The following SCHIP1 variants were observed in gnomAD, a reference collection of about 807,000 sequenced individuals.
SCHIP1 encodes schwannomin-interacting protein 1.
A neutral mutation model predicts 29.7 loss-of-function variants in SCHIP1; 8 were observed. The observed-to-expected ratio is 0.27, with a 90% CI of 0.16 to 0.49. SCHIP1 has a LOEUF of 0.49. SCHIP1 is among the 20% of genes least tolerant of loss of function. The pLI is 0.99. For missense variants in SCHIP1, 193 were observed against 294.6 expected, an observed-to-expected ratio of 0.66 and a Z score of 2.52; for synonymous variants, 76 against 94.9, an observed-to-expected ratio of 0.80 and a Z score of 1.16.
At chr3:159,502,786 G>A in the SCHIP1 span, among the ~76,000 whole-genome samples, 2 of 152,080 alleles carry the variant, frequency 1.3e-5, no homozygotes, top group South Asian at 2.1e-4. Context: ...CAGCCACAAT[G>A]GCCTTTCTAA....
the SCHIP1 span, among the ~76,000 whole-genome samples, chr3:159,488,171 G>T: frequency 8.1e-3 from 1,234 of 152,146 alleles, 15 homozygotes; most frequent in African/African-American, 0.028. Context: ...GTAGAATGAT[G>T]GTTACCAGAG....
chr3:159,350,914 C>T, the SCHIP1 span, among the ~76,000 whole-genome samples: 1 of 151,918 alleles, frequency 6.6e-6, no homozygotes, highest in East Asian at 1.9e-4. Flanking sequence ...ATGAATACTT[C>T]TAAGATTTTT....
the SCHIP1 span, among the ~76,000 whole-genome samples, chr3:159,788,147 TGAC>T: frequency 0.012 from 1,797 of 152,248 alleles, 43 homozygotes; most frequent in African/African-American, 0.042. Context: ...ACAGAGGGTG[TGAC>T]GTGGGAGTAG....
the SCHIP1 span, among the ~76,000 whole-genome samples, chr3:159,823,591 C>T: frequency 6.6e-6 from 1 of 152,144 alleles, no homozygotes; most frequent in Admixed American, 6.5e-5. Context: ...CCTCAGCTCC[C>T]TCTTGAATTT....
At chr3:159,626,598 T>G in the SCHIP1 span, among the ~76,000 whole-genome samples, 1 of 152,154 alleles carries the variant, frequency 6.6e-6, no homozygotes, top group East Asian at 1.9e-4. Flanking sequence ...AAAAAATTTA[T>G]CCACCAAACA....
the SCHIP1 span, among the ~76,000 whole-genome samples, chr3:159,828,459 A>G: frequency 2.3e-5 from 3 of 132,286 alleles, no homozygotes; most frequent in Non-Finnish European, 4.7e-5. Flanking sequence ...ATACGTATAT[A>G]TATGTATATA....
the SCHIP1 span, among the ~76,000 whole-genome samples, chr3:159,653,075 T>A: frequency 2.0e-5 from 3 of 152,164 alleles, no homozygotes; most frequent in South Asian, 2.1e-4. Context: ...TGAGAGGAAA[T>A]AAGATCTACT....
At chr3:159,827,375 T>C in the SCHIP1 span, among the ~76,000 whole-genome samples, 1 of 152,208 alleles carries the variant, frequency 6.6e-6, no homozygotes, top group Non-Finnish European at 1.5e-5. Context: ...CCTTGACAAA[T>C]TTAATAGCTC....
chr3:159,321,492 A>C, the SCHIP1 span, among the ~76,000 whole-genome samples: 4 of 152,218 alleles, frequency 2.6e-5, no homozygotes, highest in African/African-American at 9.6e-5. Flanking sequence ...AATATTAAGA[A>C]ATTACACCAG....
chr3:159,758,915 C>T, the SCHIP1 span, among the ~76,000 whole-genome samples: 2 of 152,242 alleles, frequency 1.3e-5, no homozygotes, highest in African/African-American at 4.8e-5. Flanking sequence ...TGCCAATCTA[C>T]AGATCATTCA....
At chr3:159,597,905 G>T in the SCHIP1 span, among the ~76,000 whole-genome samples, 1 of 152,120 alleles carries the variant, frequency 6.6e-6, no homozygotes, top group African/African-American at 2.4e-5. Context: ...TGTTTCTCAT[G>T]GCTGGAAAGG....
chr3:159,803,230 A>G, the SCHIP1 span, among the ~76,000 whole-genome samples: 34 of 152,266 alleles, frequency 2.2e-4, no homozygotes, highest in South Asian at 1.7e-3. Context: ...TCAATAAGGA[A>G]AAAGGAGAAA....
chr3:159,853,308 G>A (rs1054399818), intron 1 of SCHIP1: 2 of 640,730 alleles, frequency 3.1e-6, no homozygotes, highest in Admixed American at 4.6e-5. Flanking sequence ...CAGGGAACTG[G>A]GCAATTGGCA....
the SCHIP1 span, among the ~76,000 whole-genome samples, chr3:159,794,158 C>T: frequency 2.0e-5 from 3 of 152,122 alleles, no homozygotes; most frequent in Non-Finnish European, 4.4e-5. Context: ...ATTCTGCCTA[C>T]CAGAGCAAGA....
the SCHIP1 span, among the ~76,000 whole-genome samples, chr3:159,665,499 CTCTA>C: frequency 2.0e-5 from 3 of 151,920 alleles, no homozygotes; most frequent in African/African-American, 4.8e-5. Flanking sequence ...GTCAAACACA[CTCTA>C]TATATGTTTG....
the SCHIP1 span, among the ~76,000 whole-genome samples, chr3:159,541,302 A>G: frequency 2.0e-5 from 3 of 152,092 alleles, no homozygotes; most frequent in East Asian, 5.8e-4. Flanking sequence ...CTAAAATGAT[A>G]CAAAGAAAGT....
chr3:159,896,712 T>C lies in SCHIP1; in HGVS notation c.684-11T>C. ...ACATGATGCTAAATAATTGTATTAA[T>C]TGTTTTACAGACATGCTGAAAGTCA... On this transcript the variant is annotated splice_polypyrimidine_tract_variant and intron_variant, in intron 6 of 6. Coordinates refer to ENST00000445224, the Ensembl canonical transcript of SCHIP1. 1 of 1,595,816 alleles carries C rather than the reference T, an allele frequency of 6.3e-7. No homozygotes were observed. The highest frequency in any genetic ancestry group is 8.5e-7 in the Non-Finnish European group (1 of 1,173,270).
chr3:159,604,688 A>G, the SCHIP1 span, among the ~76,000 whole-genome samples: 4 of 152,236 alleles, frequency 2.6e-5, no homozygotes, highest in African/African-American at 9.6e-5. Flanking sequence ...AGTTGTTTCA[A>G]TATCTAAACA....
chr3:159,476,589 C>G, the SCHIP1 span, among the ~76,000 whole-genome samples: 2 of 151,888 alleles, frequency 1.3e-5, no homozygotes, highest in Admixed American at 1.3e-4. Context: ...AAAAACAAAG[C>G]ACAATAAAAA....
Sources: allele counts gnomAD v4.1 joint callset (sites outside exome capture counted in the v4.1 genomes callset), GRCh38; gene constraint gnomAD v4.1.1; transcripts MANE v1.5; gene names NCBI Gene and HGNC (gene_info 2026-07-23, HGNC 2026-07-21).